Variants in SNX29 observed in about 807,000 individuals in gnomAD.
SNX29 encodes the protein sorting nexin 29, also known as sorting nexin-29.
SNX29 carries 78 observed loss-of-function variants against 102.1 expected under a neutral mutation model. That is an observed-to-expected ratio of 0.76 (90% CI 0.64 to 0.92). The LOEUF (loss-of-function observed/expected upper bound fraction) is 0.92. SNX29 is among the 40% of genes least tolerant of loss of function. The pLI is 0.00. For synonymous variants in SNX29, 580 were observed against 414.5 expected (o/e 1.40, Z -4.85); for missense variants, 1,280 against 1,061.7 (o/e 1.21, Z -2.86).
At chr16:12,110,263 G>A (rs1465857939) in intron 11 of SNX29, among the ~76,000 whole-genome samples, 3 of 152,094 alleles carry the variant, frequency 2.0e-5, no homozygotes, top group East Asian at 3.9e-4. Flanking sequence ...AGAGGTGGAA[G>A]CATCCTTTAT....
intron 19 of SNX29, among the ~76,000 whole-genome samples, chr16:12,494,174 C>T (rs574909388): frequency 6.6e-5 from 10 of 152,256 alleles, no homozygotes; most frequent in Admixed American, 3.3e-4. Flanking sequence ...ACAGTGAGTT[C>T]CTGTCTCAAC....
chr16:12,294,126 C>T (rs1361658825), intron 15 of SNX29, among the ~76,000 whole-genome samples: 2 of 152,238 alleles, frequency 1.3e-5, no homozygotes, highest in Admixed American at 1.3e-4. Context: ...GAATCGAAAT[C>T]CTAGCTCTAG....
chr16:12,241,357 T>G (rs1246034500), intron 14 of SNX29, among the ~76,000 whole-genome samples: 2 of 152,182 alleles, frequency 1.3e-5, no homozygotes, highest in Non-Finnish European at 2.9e-5. Flanking sequence ...TTGATTGAAT[T>G]AACAAAAGTT....
chr16:12,528,367 T>G (rs187516478), intron 20 of SNX29, among the ~76,000 whole-genome samples: 73 of 152,204 alleles, frequency 4.8e-4, no homozygotes, highest in African/African-American at 1.7e-3. Context: ...CAGCTAATTT[T>G]TGTATTTTTT....
At chr16:12,021,436 A>G (rs1462701714) in intron 3 of SNX29, among the ~76,000 whole-genome samples, 1 of 152,074 alleles carries the variant, frequency 6.6e-6, no homozygotes, top group African/African-American at 2.4e-5. Context: ...AAAAAAAAAA[A>G]ATCAAGTAAA....
chr16:12,272,257 G>A (rs1443694288), intron 14 of SNX29, among the ~76,000 whole-genome samples: 1 of 152,160 alleles, frequency 6.6e-6, no homozygotes, highest in African/African-American at 2.4e-5. Flanking sequence ...TAGTGCCTTG[G>A]GGACAGGAGG....
At position 12,527,283 on chromosome 16, in the gene SNX29, C is replaced by A. The variant is rs577621673; in HGVS notation, c.2318+2442C>A. On this transcript the variant is annotated intron_variant, in intron 20 of 20. Transcript: ENST00000566228. Reference sequence around the variant, plus strand: ...ATCTCCATGTGATCGTGTCCTTTCTCCATGTGCTGCCCACAGAAAGCAGCG... The same window carrying A: ...ATCTCCATGTGATCGTGTCCTTTCTACATGTGCTGCCCACAGAAAGCAGCG... The A allele has an allele frequency of 5.6e-6, 3 of 532,440 alleles. No individual in the cohort carries two copies. The East Asian group carries it at 1.2e-4, about 21-fold the overall frequency. The allele number at this position is 532,440 out of a possible 1,614,324, so 33.0% of individuals were successfully genotyped here.
intron 18 of SNX29, among the ~76,000 whole-genome samples, chr16:12,411,723 G>A (rs982013702): frequency 6.6e-6 from 1 of 152,154 alleles, no homozygotes; most frequent in African/African-American, 2.4e-5. Context: ...AGGCTGTGTG[G>A]GGTAAAGGTA....
intron 15 of SNX29, among the ~76,000 whole-genome samples, chr16:12,329,398 C>T (rs1389316228): frequency 3.1e-4 from 47 of 151,990 alleles, no homozygotes; most frequent in Admixed American, 3.1e-3. Context: ...CAGCTGTGTC[C>T]AGTTGAACTC....
At chr16:12,511,144 G>C (rs1223642883) in intron 19 of SNX29, among the ~76,000 whole-genome samples, 2 of 152,148 alleles carry the variant, frequency 1.3e-5, no homozygotes, top group African/African-American at 2.4e-5. Flanking sequence ...TTGGAACTCT[G>C]GTATTTTGGT....
At chr16:12,559,963 A>G (rs1240087594) in intron 20 of SNX29, among the ~76,000 whole-genome samples, 3 of 152,202 alleles carry the variant, frequency 2.0e-5, no homozygotes, top group Non-Finnish European at 4.4e-5. Flanking sequence ...TGGGCAACAG[A>G]GCAAGACTCC....
In SNX29 at chr16:12,560,436, C is replaced by A. The variant is rs186435963; in HGVS notation, c.2319-8070C>A. On this transcript the variant is annotated intron_variant, in intron 20 of 20. Coordinates refer to ENST00000566228, the MANE Select transcript of SNX29 (RefSeq NM_032167.5). ...GTGTCTGTCCTGTAGGCATCCATGT[C>A]CCCAGCCCCGAGTCTTTTGGGTTCT... is the stretch of plus-strand genomic sequence containing the variant. Among the ~76,000 whole-genome samples, 10 of 152,274 alleles carry A rather than the reference C, an allele frequency of 6.6e-5. 1 individual carries two copies. In the East Asian group the frequency reaches 7.7e-4, roughly 12 times the overall value.
At chr16:12,092,600 G>C (rs371981747) in intron 11 of SNX29, among the ~76,000 whole-genome samples, 1 of 152,210 alleles carries the variant, frequency 6.6e-6, no homozygotes, top group South Asian at 2.1e-4. Flanking sequence ...TCCTGGCTCT[G>C]AGAGTAGTAG....
chr16:12,210,320 C>T (rs982927390), intron 14 of SNX29, among the ~76,000 whole-genome samples: 5 of 111,436 alleles, frequency 4.5e-5, no homozygotes, highest in African/African-American at 1.4e-4. Flanking sequence ...CAGACGTTCC[C>T]TCCACTTTTT....
chr16:12,242,747 A>T (rs2078149620), intron 14 of SNX29, among the ~76,000 whole-genome samples: 1 of 150,550 alleles, frequency 6.6e-6, no homozygotes, highest in Non-Finnish European at 1.5e-5. Flanking sequence ...TCAACCTACC[A>T]GGCTCCAGCA....
intron 19 of SNX29, among the ~76,000 whole-genome samples, chr16:12,519,985 C>T (rs1439438075): frequency 1.3e-5 from 2 of 151,082 alleles, no homozygotes; most frequent in East Asian, 3.9e-4. Flanking sequence ...CTCTGTCCCG[C>T]CTGCAAAAAA....
chr16:12,220,871 A>C (rs2077457673), intron 14 of SNX29, among the ~76,000 whole-genome samples: 1 of 152,196 alleles, frequency 6.6e-6, no homozygotes, highest in African/African-American at 2.4e-5. Context: ...AAAATTACGC[A>C]AATGAGCAAG....
chr16:12,140,559 T>A (rs1430354219), intron 13 of SNX29, among the ~76,000 whole-genome samples: 1 of 152,196 alleles, frequency 6.6e-6, no homozygotes, highest in Non-Finnish European at 1.5e-5. Flanking sequence ...AGCCTGCAGA[T>A]GTCCCTGACA....
chr16:12,069,786 G>T (rs1219863609), intron 10 of SNX29, among the ~76,000 whole-genome samples: 1 of 152,192 alleles, frequency 6.6e-6, no homozygotes, highest in African/African-American at 2.4e-5. Flanking sequence ...TGCCTGCTGT[G>T]TTCACGCCAT....
Sources: gnomAD v4.1 joint callset for allele counts (sites outside exome capture counted in the v4.1 genomes callset) on GRCh38, gnomAD v4.1.1 for gene constraint, MANE v1.5 for transcripts, NCBI Gene and HGNC (gene_info 2026-07-23, HGNC 2026-07-21) for gene names.